The following CNST variants were observed in gnomAD, a reference collection of about 807,000 sequenced individuals.
The protein encoded by CNST is consortin, connexin sorting protein.
A neutral mutation model predicts 72.4 loss-of-function variants in CNST; 39 were observed. That is an observed-to-expected ratio of 0.54 (90% CI 0.42 to 0.70). CNST has a LOEUF of 0.70. Among genes scored for constraint, CNST ranks in the 30% least tolerant of loss-of-function variants. The pLI is 0.00. For missense variants in CNST, 871 were observed against 868.5 expected (o/e 1.00, Z -0.04); for synonymous variants, 332 against 320.1 (o/e 1.04, Z -0.40).
chr1:246,591,137 A>G (rs1661523933), intron 1 of CNST, among the ~76,000 whole-genome samples: 2 of 152,224 alleles, frequency 1.3e-5, no homozygotes. Context: ...TAATTTCAGC[A>G]CATAACCTAT....
At chr1:246,614,690 T>C (rs1037505258) in intron 2 of CNST, among the ~76,000 whole-genome samples, 1 of 152,130 alleles carries the variant, frequency 6.6e-6, no homozygotes, top group Non-Finnish European at 1.5e-5. Flanking sequence ...CACACTGGTC[T>C]TGAACTCTTG....
chr1:246,639,138 G>A (rs1033309074), intron 6 of CNST, among the ~76,000 whole-genome samples: 2 of 152,152 alleles, frequency 1.3e-5, no homozygotes, highest in South Asian at 4.2e-4. Flanking sequence ...CAATCTGGAG[G>A]GCGGGTCCCT....
chr1:246,663,848 CACCA>C (rs1320505172), intron 10 of CNST, among the ~76,000 whole-genome samples: 1 of 152,138 alleles, frequency 6.6e-6, no homozygotes, highest in Non-Finnish European at 1.5e-5. Context: ...AAATGACACA[CACCA>C]AATTTAACAG....
In CNST at chr1:246,642,005, C is replaced by A; in HGVS notation, c.905C>A (p.Pro302Gln). ...ACGCAGTTACTAGTGTCTGAAGATCCAAAGGAAGGAGGAGCTACCACCAAA... is the reference window on the plus strand; with the variant it reads ...ACGCAGTTACTAGTGTCTGAAGATCAAAAGGAAGGAGGAGCTACCACCAAA... ...CSTQLLVSED[P>Q]KEGGATTKES... Residue 302 changes from proline to glutamine, a missense_variant, in exon 8 of 11, where the codon CCA becomes CAA. Pro to Gln is a moderately conservative substitution (Grantham distance 76). Coordinates refer to ENST00000366513, the MANE Select transcript of CNST (RefSeq NM_152609.3). The A allele has an allele frequency of 1.2e-6, 2 of 1,611,614 alleles. No homozygotes were observed. The highest frequency in any genetic ancestry group is 1.7e-6 in the Non-Finnish European group (2 of 1,178,592).
intron 9 of CNST, among the ~76,000 whole-genome samples, chr1:246,657,423 A>G (rs1041523219): frequency 1.3e-5 from 2 of 152,188 alleles, no homozygotes; most frequent in African/African-American, 4.8e-5. Flanking sequence ...CACTTCAGAC[A>G]CTGGGGCAGG....
At chr1:246,659,098 T>C (rs548740717) in intron 9 of CNST, among the ~76,000 whole-genome samples, 4 of 152,284 alleles carry the variant, frequency 2.6e-5, no homozygotes, top group African/African-American at 9.6e-5. Context: ...AGCAGACTTT[T>C]TCTAGGAAAG....
rs561940708 is a variant in CNST, at chr1:246,623,316, A to G, written c.585+1682A>G. On this transcript the variant is annotated intron_variant, in intron 3 of 10. Transcript: ENST00000366513. ...CTGAAGCAAATTTGACTAATTGTCA[A>G]TGTGAAAATAAAATAGAAAAACTGT... is the stretch of plus-strand genomic sequence containing the variant. 1.6e-3 allele frequency among the ~76,000 whole-genome samples: 238 copies of G among 152,366 alleles called. No individual in the cohort carries two copies. In the Middle Eastern group the frequency reaches 0.017, roughly 11 times the overall value.
intron 2 of CNST, among the ~76,000 whole-genome samples, chr1:246,602,973 T>A (rs575425838): frequency 1.3e-5 from 2 of 152,156 alleles, no homozygotes; most frequent in East Asian, 3.9e-4. Context: ...AAGAAAAGAA[T>A]TACAATCAAT....
chr1:246,632,232 A>T (rs750209436), intron 4 of CNST: 17 of 282,884 alleles, frequency 6.0e-5, no homozygotes, highest in Non-Finnish European at 1.1e-4. Flanking sequence ...TTATGTACAG[A>T]ACACTCAACA....
At chr1:246,611,333 G>A (rs1663304228) in intron 2 of CNST, among the ~76,000 whole-genome samples, 1 of 151,946 alleles carries the variant, frequency 6.6e-6, no homozygotes, top group South Asian at 2.1e-4. Context: ...TATAGTTCTG[G>A]ATGTTGTTTT....
chr1:246,566,810 C>G (rs1019509462), intron 1 of CNST, 147 bp downstream of exon 1: 2 of 397,268 alleles, frequency 5.0e-6, no homozygotes, highest in Non-Finnish European at 8.9e-6. Context: ...GCCCGGTCCC[C>G]TTACCTCCTC....
intron 2 of CNST, among the ~76,000 whole-genome samples, chr1:246,595,554 T>C (rs1661820483): frequency 6.6e-6 from 1 of 152,204 alleles, no homozygotes; most frequent in Non-Finnish European, 1.5e-5. Flanking sequence ...TTTACTCTAA[T>C]TTTTCGGTTA....
In CNST at chr1:246,647,602, T is replaced by C; in HGVS notation, c.1401T>C (p.Ala467=). The C allele has an allele frequency of 6.2e-7, 1 of 1,614,242 alleles. No homozygotes were observed. The highest frequency in any genetic ancestry group is 8.5e-7 in the Non-Finnish European group (1 of 1,180,046). The stretch of plus-strand genomic sequence containing the variant: ...AACTCCGTTTGCCACTTCGGGATGC[T>C]TCTGAGGCGTTGCCCACAGACCAAC... ...RKELRLPLRD[A]SEALPTDQLE... is the part of the protein sequence containing the mutation. The change falls in exon 9 of 11, where the codon GCT becomes GCC. Residue 467 remains alanine (A), a synonymous_variant. Coordinates refer to ENST00000366513, the MANE Select transcript of CNST (RefSeq NM_152609.3).
intron 1 of CNST, chr1:246,566,864 T>C: frequency 5.1e-6 from 2 of 391,198 alleles, no homozygotes; most frequent in East Asian, 7.2e-5. Flanking sequence ...TCAGCTACTG[T>C]GGGTCTCCTA....
At chr1:246,630,145 C>T (rs368313563) in intron 3 of CNST, among the ~76,000 whole-genome samples, 3 of 152,334 alleles carry the variant, frequency 2.0e-5, no homozygotes, top group African/African-American at 7.2e-5. Context: ...ACATTGGTAG[C>T]TTGACATCGG....
intron 3 of CNST, among the ~76,000 whole-genome samples, chr1:246,630,659 T>C (rs779666549): frequency 2.0e-5 from 3 of 152,206 alleles, no homozygotes; most frequent in African/African-American, 4.8e-5. Flanking sequence ...CATCGTCAAT[T>C]TACCTGGAAA....
chr1:246,613,878 A>G (rs1215341627), intron 2 of CNST, among the ~76,000 whole-genome samples: 1 of 150,274 alleles, frequency 6.7e-6, no homozygotes, highest in African/African-American at 2.5e-5. Context: ...TATTTTTAGT[A>G]TAGATAGGTT....
intron 2 of CNST, among the ~76,000 whole-genome samples, chr1:246,611,419 C>T (rs768705546): frequency 3.9e-5 from 6 of 152,070 alleles, no homozygotes; most frequent in Non-Finnish European, 8.8e-5. Flanking sequence ...CACTCAAGGC[C>T]TTTTCATTTT....
At chr1:246,611,602 A>C (rs1663320781) in intron 2 of CNST, among the ~76,000 whole-genome samples, 1 of 152,232 alleles carries the variant, frequency 6.6e-6, no homozygotes, top group South Asian at 2.1e-4. Context: ...TCTGTTTTAG[A>C]GATGGAAAAA....
Sources: allele counts gnomAD v4.1 joint callset (sites outside exome capture counted in the v4.1 genomes callset), GRCh38; gene constraint gnomAD v4.1.1; transcripts MANE v1.5; gene names NCBI Gene and HGNC (gene_info 2026-07-23, HGNC 2026-07-21).